EDARADD: variants seen among roughly 807,000 people sequenced by gnomAD.
EDARADD encodes ectodysplasin-A receptor-associated adapter protein.
Under a neutral mutation model 25.6 loss-of-function variants are expected in EDARADD, and 20 were observed. The observed-to-expected ratio is 0.78, with a 90% confidence interval of 0.55 to 1.14. The LOEUF is 1.14. EDARADD is among the 50% of genes most tolerant of loss of function. EDARADD has a pLI of 0.00. For missense variants in EDARADD, 225 were observed against 270.1 expected, an observed-to-expected ratio of 0.83 and a Z score of 1.17; for synonymous variants, 86 against 94.4, an observed-to-expected ratio of 0.91 and a Z score of 0.52.
chr1:236,447,208 C>G lies in EDARADD; in HGVS notation c.219+19758C>G, dbSNP rs535910749. On this transcript the variant is annotated intron_variant, in intron 4 of 5. Transcript: ENST00000334232. The stretch of plus-strand genomic sequence containing the variant: ...TCTTTCTTTCTTTCTTTCTTTCTTT[C>G]TTTCTTTCTTTCTTTCCTTTCTTTC... Among the ~76,000 whole-genome samples, 325 of 35,984 alleles carry G rather than the reference C, an allele frequency of 9.0e-3. 6 individuals carry two copies. The highest frequency in any genetic ancestry group is 0.025 in the African/African-American group (314 of 12,666). 23.6% of individuals were successfully genotyped at this position (35,984 alleles called of 152,430 possible).
chr1:236,468,090 A>G (rs1659263676), intron 4 of EDARADD, 141 bp from the exon 5 acceptor site: 1 of 784,456 alleles, frequency 1.3e-6, no homozygotes, highest in African/African-American at 1.7e-5. Flanking sequence ...CCTCCCATTA[A>G]AATGCCATTC....
At chr1:236,429,544 A>ATTTT (rs34501977) in intron 4 of EDARADD, among the ~76,000 whole-genome samples, 61,226 of 143,984 alleles carry the variant, frequency 0.43, 15,215 homozygotes, top group Non-Finnish European at 0.58. Flanking sequence ...TGACCCGCTA[A>ATTTT]TTTTTTTTTT....
At chr1:236,437,002 T>C (rs1658271151) in intron 4 of EDARADD, among the ~76,000 whole-genome samples, 1 of 152,210 alleles carries the variant, frequency 6.6e-6, no homozygotes, top group Non-Finnish European at 1.5e-5. Flanking sequence ...GCCAAGAATG[T>C]ATTACCAGCA....
intron 3 of EDARADD, among the ~76,000 whole-genome samples, chr1:236,425,750 T>C (rs1657898354): frequency 6.6e-6 from 1 of 152,168 alleles, no homozygotes; most frequent in African/African-American, 2.4e-5. Context: ...AGTTTTCATC[T>C]TGGGATGAGA....
intron 4 of EDARADD, among the ~76,000 whole-genome samples, chr1:236,448,554 C>T (rs1353960047): frequency 6.6e-6 from 1 of 152,168 alleles, no homozygotes; most frequent in Admixed American, 6.6e-5. Context: ...TATTAACTCC[C>T]CCCAAAATAA....
chr1:236,443,490 G>A (rs1658454748), intron 4 of EDARADD, among the ~76,000 whole-genome samples: 1 of 152,154 alleles, frequency 6.6e-6, no homozygotes, highest in African/African-American at 2.4e-5. Context: ...TGATTCCAAC[G>A]CTCATGGATG....
intron 1 of EDARADD, among the ~76,000 whole-genome samples, chr1:236,404,063 G>A (rs1000213041): frequency 1.3e-5 from 2 of 152,268 alleles, no homozygotes; most frequent in Middle Eastern, 3.4e-3. Flanking sequence ...GACAGATCCC[G>A]CACCGGCCCT....
At position 236,471,651 on chromosome 1, in the gene EDARADD, A is replaced by C. The variant is rs138779805; in HGVS notation, c.265+3375A>C. Among the ~76,000 whole-genome samples the C allele has an allele frequency of 2.6e-3, 392 of 152,230 alleles. 5 individuals are homozygous for C. Among genetic ancestry groups the C allele is most frequent in the African/African-American group, 8.9e-3 (368 of 41,528 alleles). On this transcript the variant is annotated intron_variant, in intron 5 of 5. Coordinates refer to ENST00000334232, the MANE Select transcript of EDARADD (RefSeq NM_145861.4). ...AGCTATCTCGGAAGTTGCCAATATA[A>C]AATGTTTACTCTCTAATGGTTTTGA...
intron 3 of EDARADD, among the ~76,000 whole-genome samples, chr1:236,369,232 C>T (rs946919748): frequency 9.2e-5 from 14 of 152,208 alleles, no homozygotes; most frequent in African/African-American, 3.1e-4. Context: ...TCGATATCCA[C>T]AAAGTAACTT....
intron 4 of EDARADD, among the ~76,000 whole-genome samples, chr1:236,443,692 C>T (rs930010918): frequency 3.3e-5 from 5 of 152,110 alleles, no homozygotes; most frequent in African/African-American, 1.2e-4. Context: ...GGAATCTGCT[C>T]CTGGCAAAAA....
At chr1:236,405,379 A>T (rs957415549) in intron 1 of EDARADD, among the ~76,000 whole-genome samples, 6 of 152,204 alleles carry the variant, frequency 3.9e-5, no homozygotes, top group Admixed American at 3.3e-4. Flanking sequence ...GAACTCGGTC[A>T]GAGTCTGAGG....
At chr1:236,401,948 G>A (rs974408937) in intron 1 of EDARADD, among the ~76,000 whole-genome samples, 2 of 152,108 alleles carry the variant, frequency 1.3e-5, no homozygotes, top group African/African-American at 4.8e-5. Context: ...CTGTCGGGTG[G>A]TCAGTGTATG....
chr1:236,451,526 A>C (rs942454415), intron 4 of EDARADD, among the ~76,000 whole-genome samples: 1 of 151,860 alleles, frequency 6.6e-6, no homozygotes, highest in African/African-American at 2.4e-5. Flanking sequence ...AGGTTCAAGG[A>C]ATTCTCCTGC....
intron 1 of EDARADD, among the ~76,000 whole-genome samples, chr1:236,397,600 A>T (rs1395176180): frequency 6.6e-6 from 1 of 152,102 alleles, no homozygotes; most frequent in Non-Finnish European, 1.5e-5. Flanking sequence ...GTCATGTGGA[A>T]AGAATCTGTC....
chr1:236,467,045 G>A (rs1057011698), intron 4 of EDARADD, among the ~76,000 whole-genome samples: 4 of 150,972 alleles, frequency 2.6e-5, no homozygotes, highest in Admixed American at 1.3e-4. Flanking sequence ...CAGCCTGGGC[G>A]ACAGAGCAAG....
intron 2 of EDARADD, among the ~76,000 whole-genome samples, chr1:236,411,533 T>C (rs950973899): frequency 1.3e-5 from 2 of 151,188 alleles, no homozygotes; most frequent in African/African-American, 4.9e-5. Flanking sequence ...CTTCTTCTTC[T>C]TCCTCTTCTT....
At chr1:236,353,749 G>A (rs1233881270) in intron 3 of EDARADD, among the ~76,000 whole-genome samples, 3 of 150,672 alleles carry the variant, frequency 2.0e-5, no homozygotes, top group Admixed American at 6.6e-5. Context: ...GTAGTTACTC[G>A]ACTGTGTGTA....
chr1:236,373,846 A>G (rs1022693825), intron 3 of EDARADD, among the ~76,000 whole-genome samples: 15 of 152,232 alleles, frequency 9.9e-5, no homozygotes, highest in East Asian at 3.8e-4. Context: ...ACAAATTTTG[A>G]TAAGTTGTAC....
chr1:236,410,504 C>T (rs185060822), intron 2 of EDARADD, among the ~76,000 whole-genome samples: 64 of 152,238 alleles, frequency 4.2e-4, no homozygotes, highest in African/African-American at 1.4e-3. Context: ...TGGTGGGGCA[C>T]GTACCCCCAT....
Sources: allele counts gnomAD v4.1 joint callset (sites outside exome capture counted in the v4.1 genomes callset), GRCh38; gene constraint gnomAD v4.1.1; transcripts MANE v1.5; gene names NCBI Gene and HGNC (gene_info 2026-07-23, HGNC 2026-07-21).